The following RPF2 variants were observed in gnomAD, a reference collection of about 807,000 sequenced individuals.
RPF2 encodes ribosome production factor 2 homolog.
A neutral mutation model predicts 38.9 loss-of-function variants in RPF2; 21 were observed. The observed-to-expected ratio is 0.54, with a 90% CI of 0.38 to 0.78. The LOEUF (loss-of-function observed/expected upper bound fraction) is 0.78. Among genes scored for constraint, RPF2 ranks in the 30% least tolerant of loss-of-function variants. The pLI is 0.00. For synonymous variants in RPF2, 121 were observed against 126.2 expected (o/e 0.96, Z 0.28); for missense variants, 314 against 358.1 (o/e 0.88, Z 0.99).
intron 6 of RPF2, among the ~76,000 whole-genome samples, chr6:111,000,124 G>A (rs1383516897): frequency 6.7e-6 from 1 of 149,386 alleles, no homozygotes; most frequent in East Asian, 2.0e-4. Flanking sequence ...TTATTTTTTT[G>A]AGACAGGGTC....
At chr6:110,986,929 C>T (rs1401110850) in intron 2 of RPF2, among the ~76,000 whole-genome samples, 1 of 148,746 alleles carries the variant, frequency 6.7e-6, no homozygotes, top group East Asian at 2.0e-4. Context: ...CTTACTCCAG[C>T]CTGGGTAACA....
chr6:111,006,685 G>T (rs117975843), intron 6 of RPF2, among the ~76,000 whole-genome samples: 19,655 of 152,088 alleles, frequency 0.13, 1,754 homozygotes, highest in East Asian at 0.5. Context: ...ATGGCTCACT[G>T]CAGCCTCCAC....
intron 5 of RPF2, among the ~76,000 whole-genome samples, chr6:110,998,206 C>T (rs1465496503): frequency 6.6e-6 from 1 of 151,488 alleles, no homozygotes; most frequent in Non-Finnish European, 1.5e-5. Flanking sequence ...TGCCTAGCCT[C>T]CTACCTTGAT....
chr6:110,985,177 C>A (rs775980559), intron 2 of RPF2, 39 bp downstream of exon 2: 13 of 1,540,454 alleles, frequency 8.4e-6, no homozygotes, highest in South Asian at 1.3e-5. Context: ...GTATTGAAGT[C>A]ATTTTAGAAT....
At chr6:110,991,812 A>G in intron 4 of RPF2, 26 bp downstream of exon 4, 1 of 986,286 alleles carries the variant, frequency 1.0e-6, no homozygotes, top group Non-Finnish European at 1.5e-6. Context: ...TTTATGATTT[A>G]AGAAAGCATA....
At chr6:111,005,165 C>G (rs936770574) in intron 6 of RPF2, among the ~76,000 whole-genome samples, 4 of 152,104 alleles carry the variant, frequency 2.6e-5, no homozygotes, top group African/African-American at 9.7e-5. Flanking sequence ...AAGTATAGAC[C>G]GTTAAGGTTC....
At chr6:110,990,303 C>G (rs1323127823) in intron 3 of RPF2, among the ~76,000 whole-genome samples, 1 of 152,112 alleles carries the variant, frequency 6.6e-6, no homozygotes, top group Non-Finnish European at 1.5e-5. Context: ...TTCATGCCTC[C>G]TTAGTCTTCT....
At chr6:111,012,615 A>G (rs757693107) in intron 7 of RPF2, among the ~76,000 whole-genome samples, 2 of 152,128 alleles carry the variant, frequency 1.3e-5, no homozygotes, top group African/African-American at 2.4e-5. Context: ...TGCATTTACC[A>G]AGTGGCATAT....
intron 7 of RPF2, among the ~76,000 whole-genome samples, chr6:111,014,340 G>A (rs1188132471): frequency 6.6e-6 from 1 of 151,990 alleles, no homozygotes; most frequent in African/African-American, 2.4e-5. Flanking sequence ...CACTGTGTTA[G>A]CCCCTATGGT....
intron 1 of RPF2, chr6:110,982,436 A>C: frequency 4.7e-6 from 2 of 428,622 alleles, no homozygotes; most frequent in East Asian, 4.2e-5. Context: ...GGTTAGGAGC[A>C]CAGCCCTCGG....
chr6:111,021,325 T>C (rs902006062), intron 8 of RPF2, among the ~76,000 whole-genome samples: 10 of 152,276 alleles, frequency 6.6e-5, no homozygotes, highest in African/African-American at 2.4e-4. Context: ...CCCTAGTATG[T>C]AATTTTGATC....
At chr6:111,006,285 A>G (rs1261384956) in intron 6 of RPF2, among the ~76,000 whole-genome samples, 1 of 151,826 alleles carries the variant, frequency 6.6e-6, no homozygotes, top group Non-Finnish European at 1.5e-5. Flanking sequence ...CCCAAGCTAG[A>G]GTGCAGTGGT....
chr6:111,015,137 T>G (rs1583273030), intron 7 of RPF2, among the ~76,000 whole-genome samples: 1 of 152,218 alleles, frequency 6.6e-6, no homozygotes, highest in African/African-American at 2.4e-5. Context: ...TGGTACAGGA[T>G]AAAATAAATA....
rs1414667118 is a variant in RPF2, at chr6:111,002,246, C to T, written c.393+2459C>T. ...AGTGAGCTGAGATCATGCCACTGCA[C>T]TCCAGCCTGGGTGACACAGCAAGAC... On this transcript the variant is annotated intron_variant, in intron 6 of 9. Transcript: ENST00000441448. 2.0e-5 allele frequency among the ~76,000 whole-genome samples: 3 copies of T among 152,210 alleles called. No homozygotes were observed. The East Asian group carries it at 5.8e-4, about 29-fold the overall frequency.
At chr6:110,997,514 GTGGA>G (rs2114310091) in intron 5 of RPF2, among the ~76,000 whole-genome samples, 1 of 152,286 alleles carries the variant, frequency 6.6e-6, no homozygotes, top group East Asian at 1.9e-4. Flanking sequence ...GGCGAGGTGG[GTGGA>G]TCATTTGAGG....
chr6:111,012,824 C>G (rs1435265174), intron 7 of RPF2, among the ~76,000 whole-genome samples: 4 of 152,132 alleles, frequency 2.6e-5, no homozygotes, highest in Non-Finnish European at 2.9e-5. Context: ...CATTCACCAC[C>G]ATGCCTGGAT....
At chr6:111,004,461 C>T (rs1169695716) in intron 6 of RPF2, among the ~76,000 whole-genome samples, 2 of 151,738 alleles carry the variant, frequency 1.3e-5, no homozygotes, top group African/African-American at 2.4e-5. Context: ...GGATTAGAGG[C>T]GTGAGCCACT....
chr6:111,024,953 T>C (rs1772297927), intron 9 of RPF2, among the ~76,000 whole-genome samples: 1 of 152,252 alleles, frequency 6.6e-6, no homozygotes, highest in Non-Finnish European at 1.5e-5. Context: ...GTACAGGGTA[T>C]ATAAACCATA....
At chr6:111,018,449 C>T (rs962896186) in intron 8 of RPF2, among the ~76,000 whole-genome samples, 10 of 152,172 alleles carry the variant, frequency 6.6e-5, no homozygotes, top group Non-Finnish European at 1.3e-4. Context: ...TTGACAGTGT[C>T]TTCTGTACAG....
Sources: gnomAD v4.1 joint callset for allele counts (sites outside exome capture counted in the v4.1 genomes callset) on GRCh38, gnomAD v4.1.1 for gene constraint, MANE v1.5 for transcripts, NCBI Gene and HGNC (gene_info 2026-07-23, HGNC 2026-07-21) for gene names.